Variants in NUDT12 observed in about 807,000 individuals in gnomAD.
NUDT12 encodes nudix hydrolase 12, also known as NAD-capped RNA hydrolase NUDT12.
Under a neutral mutation model 45.7 loss-of-function variants are expected in NUDT12, and 42 were observed. The ratio of observed to expected loss-of-function variants is 0.92; its 90% CI spans 0.72 to 1.19. NUDT12 has a LOEUF of 1.19. NUDT12 is among the 50% of genes most tolerant of loss of function. The probability of loss-of-function intolerance (pLI) is 0.00; values close to 1 mark genes in which losing one functional copy is unlikely to be tolerated. For missense variants in NUDT12, 590 were observed against 533.1 expected, an observed-to-expected ratio of 1.11 and a Z score of -1.05; for synonymous variants, 206 against 179.7, an observed-to-expected ratio of 1.15 and a Z score of -1.17.
chr5:103,551,540 C>A (rs2112444085), intron 6 of NUDT12, among the ~76,000 whole-genome samples: 1 of 152,250 alleles, frequency 6.6e-6, no homozygotes, highest in Middle Eastern at 3.4e-3. Context: ...AATGTACGCT[C>A]CACACTTAAT....
chr5:103,557,569 G>A (rs1748867337), intron 3 of NUDT12, among the ~76,000 whole-genome samples: 1 of 138,476 alleles, frequency 7.2e-6, no homozygotes, highest in African/African-American at 2.6e-5. Context: ...TATTACCAAA[G>A]ACAAAGATGC....
chr5:103,560,130 T>C lies in NUDT12; in HGVS notation c.119A>G (p.Asn40Ser), dbSNP rs750060988. The change falls in exon 2 of 7, where the codon AAT becomes AGT. Residue 40 changes from asparagine to serine, a missense_variant. Coordinates refer to ENST00000230792, the MANE Select transcript of NUDT12 (RefSeq NM_031438.4). ...AGTCCAGCCATTTTCAGAAGTTTCA[T>C]TGAGAAGAGATGGAGAATGACTGAG... ...GILSHSPSLL[N>S]ETSENGWTAL... 97 of 1,613,878 alleles carry C rather than the reference T, an allele frequency of 6.0e-5. No homozygotes were observed. Among genetic ancestry groups the C allele is most frequent in the Admixed American group, 3.0e-4 (18 of 60,020 alleles).
chr5:103,551,120 A>ATT, intron 6 of NUDT12, 149 bp from the exon 7 acceptor site: 1 of 597,084 alleles, frequency 1.7e-6, no homozygotes, highest in Non-Finnish European at 2.9e-6. Flanking sequence ...TTACATGCAA[A>ATT]GTTTTTTTTT....
Position 103,553,197 on chromosome 5 carries a change from T to C in NUDT12, c.1079-781A>G, listed in dbSNP as rs929002758. On this transcript the variant is annotated intron_variant, in intron 5 of 6. Transcript: ENST00000230792. ...ATAATAATCAAAAGAACACATATAG[T>C]AAAAATATAATTATAGACTAGTGTA... 8.6e-5 allele frequency among the ~76,000 whole-genome samples: 13 copies of C among 151,996 alleles called. No individual in the cohort carries two copies. The East Asian group carries it at 2.5e-3, about 29-fold the overall frequency.
chr5:103,555,072 A>G (rs1438035433), intron 4 of NUDT12, among the ~76,000 whole-genome samples: 1 of 151,994 alleles, frequency 6.6e-6, no homozygotes, highest in Non-Finnish European at 1.5e-5. Context: ...AAGGAAGACC[A>G]TTTTTGTCCT....
At chr5:103,554,512 A>C (rs1227463523) in intron 5 of NUDT12, 2 of 239,398 alleles carry the variant, frequency 8.4e-6, no homozygotes, top group South Asian at 1.5e-4. Context: ...GCAAATACTG[A>C]ATTTTTAACA....
rs1266960524 is a variant in NUDT12, at chr5:103,559,422, T to C, written c.253A>G (p.Ile85Val). 3 of 1,599,868 alleles carry C rather than the reference T, an allele frequency of 1.9e-6. No homozygotes were observed. Among genetic ancestry groups the C allele is most frequent in the South Asian group, 2.3e-5 (2 of 88,212 alleles). The part of the protein sequence containing the change: ...VNKSRQTALD[I>V]AVFWGYKHIA... The stretch of plus-strand genomic sequence containing the variant: ...TGCTTATAACCCCAAAATACAGCAA[T>C]GTCCAGTGCAGTCTGCCTTGATTTA... The change falls in exon 3 of 7, where the codon ATT becomes GTT. Residue 85 changes from isoleucine (I) to valine (V), a missense_variant. Coordinates refer to ENST00000230792, the MANE Select transcript of NUDT12 (RefSeq NM_031438.4).
Position 103,559,272 on chromosome 5 carries a change from T to G in NUDT12, c.403A>C (p.Asn135His), listed in dbSNP as rs563333229. Residue 135 changes from asparagine to histidine, a missense_variant, in exon 3 of 7, where the codon AAT becomes CAT. Coordinates refer to ENST00000230792, the MANE Select transcript of NUDT12 (RefSeq NM_031438.4). ...LLDRKSEKRN[N>H]SDWLLAKESH... ...TCTTTAGCTAGCAGCCAGTCAGAAT[T>G]ATTTCTCTTTTCACTTTTCCGGTCC... 4 of 1,601,476 alleles carry G rather than the reference T, an allele frequency of 2.5e-6. No individual in the cohort carries two copies. The highest frequency in any genetic ancestry group is 3.4e-6 in the Non-Finnish European group (4 of 1,175,732).
rs544227162 is a variant in NUDT12 at position 103,556,299 on chromosome 5, A to T, written c.797-201T>A. On this transcript the variant is annotated intron_variant, in intron 3 of 6. Transcript: ENST00000230792. ...AAAAATTAGATTTTTTTGTTTGAAT[A>T]AAATATAACTTTCATATAAGATAGA... Among the ~76,000 whole-genome samples, 195 of 152,184 alleles carry T rather than the reference A, an allele frequency of 1.3e-3. 2 individuals are homozygous for T. Among genetic ancestry groups the T allele is most frequent in the Middle Eastern group, 6.8e-3 (2 of 294 alleles).
At chr5:103,555,471 A>G (rs1052686776) in intron 4 of NUDT12, among the ~76,000 whole-genome samples, 6 of 152,138 alleles carry the variant, frequency 3.9e-5, no homozygotes, top group Middle Eastern at 3.4e-3. Flanking sequence ...TGCTGAGCCT[A>G]TCTATTCTTC....
chr5:103,561,079 C>T (rs114831956), intron 1 of NUDT12, among the ~76,000 whole-genome samples: 7,741 of 145,268 alleles, frequency 0.053, 282 homozygotes, highest in Middle Eastern at 0.099. Context: ...TTTTTGGCGG[C>T]GGGGGATGGT....
chr5:103,558,090 C>A (rs1255676607), intron 3 of NUDT12, among the ~76,000 whole-genome samples: 1 of 151,946 alleles, frequency 6.6e-6, no homozygotes. Flanking sequence ...TTAATCTTTT[C>A]CTTCATTATT....
In NUDT12 at chr5:103,557,280, GATATATATATATATAT is replaced by G. The variant is rs10593905; in HGVS notation, c.797-1198_797-1183del. Reference sequence around the variant, plus strand: ...TATCAGATCTTTTTGATCTTAAAATGATATATATATATATATATATATATGTCTAAAGAAAATAAAT... The same window carrying G: ...TATCAGATCTTTTTGATCTTAAAATGATATATATGTCTAAAGAAAATAAAT... On this transcript the variant is annotated intron_variant, in intron 3 of 6. Coordinates refer to ENST00000230792, the MANE Select transcript of NUDT12 (RefSeq NM_031438.4). Among the ~76,000 whole-genome samples, 4 of 118,894 alleles carry G rather than the reference GATATATATATATATAT, an allele frequency of 3.4e-5. No homozygotes were observed. In the South Asian group the frequency reaches 9.6e-4, roughly 29 times the overall value. 78.0% of individuals were successfully genotyped at this position (118,894 alleles called of 152,430 possible).
chr5:103,554,062 A>G (rs924193418), intron 5 of NUDT12, among the ~76,000 whole-genome samples: 8 of 152,052 alleles, frequency 5.3e-5, no homozygotes, highest in Non-Finnish European at 1.0e-4. Context: ...GCCTGATACT[A>G]TATGTTTACT....
rs1325619296 is a variant in NUDT12, at chr5:103,549,074, A to G, written c.*1787T>C. 1.3e-5 allele frequency: 2 copies of G among 152,140 alleles called. No homozygotes were observed. Among genetic ancestry groups the G allele is most frequent in the Non-Finnish European group, 2.9e-5 (2 of 67,974 alleles). 9.4% of individuals were successfully genotyped at this position (152,140 alleles called of 1,614,324 possible). On this transcript the variant is annotated 3_prime_UTR_variant, in exon 7 of 7. Coordinates refer to ENST00000230792, the MANE Select transcript of NUDT12 (RefSeq NM_031438.4). ...TTAAATATCCAAAACAAAATGTATA[A>G]CTACACTTGTTGATACTTTATATTC...
At chr5:103,557,345 T>TCTC (rs1167299812) in intron 3 of NUDT12, among the ~76,000 whole-genome samples, 1 of 147,980 alleles carries the variant, frequency 6.8e-6, no homozygotes, top group Non-Finnish European at 1.5e-5. Context: ...TTTGATGATT[T>TCTC]CTCCACAGGT....
intron 6 of NUDT12, among the ~76,000 whole-genome samples, chr5:103,551,642 T>G (rs1221410243): frequency 6.6e-6 from 1 of 152,198 alleles, no homozygotes; most frequent in Non-Finnish European, 1.5e-5. Context: ...AAGCATAGAA[T>G]AAAATTAATT....
rs1748674106 is a variant in NUDT12 at position 103,552,217 on chromosome 5, C to G, written c.1278G>C (p.Gln426His). ...IEDARWFTRE[Q>H]VLDVLTKGKQ... Reference sequence around the variant, plus strand: ...AGAAGGAAATTAAATTGAACTTTACCTGTTCTCTAGTGAACCAGCGGGCAT... The same window carrying G: ...AGAAGGAAATTAAATTGAACTTTACGTGTTCTCTAGTGAACCAGCGGGCAT... The change falls in exon 6 of 7, where the codon CAG becomes CAC. Residue 426 changes from glutamine (Q) to histidine (H), a missense_variant and splice_region_variant. Transcript: ENST00000230792. 3 of 1,610,480 alleles carry G rather than the reference C, an allele frequency of 1.9e-6. No individual in the cohort carries two copies. Among genetic ancestry groups the G allele is most frequent in the East Asian group, 4.5e-5 (2 of 44,854 alleles).
At position 103,560,051 on chromosome 5, in the gene NUDT12, A is replaced by T; in HGVS notation, c.198T>A (p.Leu66=). The change falls in exon 2 of 7, where the codon CTT becomes CTA. Residue 66 remains leucine, a synonymous_variant. Transcript: ENST00000230792. The part of the protein sequence containing the change: ...NGHPEIVQFL[L]EKGCDRSIVN... ...CAGCCTAAAATGTTTACCCTTTCTC[A>T]AGCAGAAATTGGACTATCTCTGGGT... 1 of 1,611,642 alleles carries T rather than the reference A, an allele frequency of 6.2e-7. No homozygotes were observed. The highest frequency in any genetic ancestry group is 2.2e-5 in the East Asian group (1 of 44,856).
Sources: gnomAD v4.1 joint callset for allele counts (sites outside exome capture counted in the v4.1 genomes callset) on GRCh38, gnomAD v4.1.1 for gene constraint, MANE v1.5 for transcripts, NCBI Gene and HGNC (gene_info 2026-07-23, HGNC 2026-07-21) for gene names.